Variants in MARK4 observed in about 807,000 individuals in gnomAD.
MARK4 encodes the protein microtubule affinity regulating kinase 4.
MARK4 carries 19 observed loss-of-function variants against 81.5 expected under a neutral mutation model. The observed-to-expected ratio is 0.23, with a 90% CI of 0.16 to 0.34. The LOEUF (loss-of-function observed/expected upper bound fraction) is 0.34. Among genes scored for constraint, MARK4 ranks in the 10% least tolerant of loss-of-function variants. The pLI is 1.00. For missense variants in MARK4, 772 were observed against 1,058.8 expected, an observed-to-expected ratio of 0.73 and a Z score of 3.76; for synonymous variants, 436 against 439.0, an observed-to-expected ratio of 0.99 and a Z score of 0.08.
intron 8 of MARK4, among the ~76,000 whole-genome samples, chr19:45,276,265 G>A (rs570023615): frequency 7.9e-5 from 12 of 152,214 alleles, no homozygotes; most frequent in African/African-American, 2.9e-4. Context: ...GGGCTCAAGC[G>A]GTCTTCCCAC....
chr19:45,303,721 C>T lies in MARK4; in HGVS notation c.*1011C>T, dbSNP rs1420021574. 1 of 152,158 alleles carries T rather than the reference C, an allele frequency of 6.6e-6. No homozygotes were observed. The highest frequency in any genetic ancestry group is 1.5e-5 in the Non-Finnish European group (1 of 68,066). The allele number at this position is 152,158 out of a possible 1,614,324, so 9.4% of individuals were successfully genotyped here. The stretch of plus-strand genomic sequence containing the variant: ...CCAGGCCCAGTGCTGGACACAGAGA[C>T]ATGAAGCTCTGTCTGTGGGAGACAG... On this transcript the variant is annotated 3_prime_UTR_variant, in exon 17 of 17. Coordinates refer to ENST00000262891, the MANE Select transcript of MARK4 (RefSeq NM_001199867.2).
rs1411050968 is a variant in MARK4 at position 45,297,819 on chromosome 19, G to A, written c.1742G>A (p.Gly581Asp). The part of the protein sequence containing the change: ...GGQVRDRRAG[G>D]GGGGGVQNGP... ...CAGGTCCGGGACCGGCGGGCAGGGG[G>A]TGGGGGTGGTGGGGGTGTGCAGAAT... Residue 581 changes from glycine (G) to aspartate (D), a missense_variant, in exon 15 of 17, where the codon GGT becomes GAT. Physicochemically the swap from Gly to Asp is moderately conservative, Grantham distance 94. This residue lies in a region of MARK4 where 548 missense variants were observed against 624.3 expected (regional missense o/e 0.88). Transcript: ENST00000262891. 5 of 1,540,092 alleles carry A rather than the reference G, an allele frequency of 3.2e-6. No homozygotes were observed. The highest frequency in any genetic ancestry group is 1.4e-5 in the African/African-American group (1 of 73,234).
Position 45,251,558 on chromosome 19 carries a change from G to A in MARK4, c.-31G>A. 8.7e-6 allele frequency: 2 copies of A among 229,378 alleles called. No individual in the cohort carries two copies. The highest frequency in any genetic ancestry group is 1.3e-5 in the Non-Finnish European group (2 of 155,040). The allele number at this position is 229,378 out of a possible 1,614,324, so 14.2% of individuals were successfully genotyped here. ...CCTGGGACCCCCGCCCCCCCCACCC[G>A]GCCGCCCCTGCCCCCCGGGACCCGG... On this transcript the variant is annotated 5_prime_UTR_variant, in exon 1 of 17. Transcript: ENST00000262891.
chr19:45,299,889 C>T (rs374640188), intron 16 of MARK4, 34 bp downstream of exon 16: 1 of 1,578,130 alleles, frequency 6.3e-7, no homozygotes, highest in Non-Finnish European at 8.6e-7. Context: ...ACTGCCACTT[C>T]CCCTCTCCTG....
intron 14 of MARK4, among the ~76,000 whole-genome samples, chr19:45,296,832 C>T (rs144827001): frequency 1.9e-3 from 295 of 152,224 alleles, no homozygotes; most frequent in African/African-American, 6.6e-3. Context: ...AGTGGATCAC[C>T]TGAGGTGAGG....
chr19:45,261,590 G>C (rs1349068698), intron 2 of MARK4, among the ~76,000 whole-genome samples: 1 of 152,114 alleles, frequency 6.6e-6, no homozygotes, highest in Admixed American at 6.6e-5. Flanking sequence ...CTGGTTCCAG[G>C]GGTTTCTGAG....
At chr19:45,264,321 G>T (rs373534435) in intron 4 of MARK4, among the ~76,000 whole-genome samples, 1 of 152,042 alleles carries the variant, frequency 6.6e-6, no homozygotes, top group African/African-American at 2.4e-5. Flanking sequence ...GACCAACATG[G>T]AGAAACCCCG....
intron 15 of MARK4, among the ~76,000 whole-genome samples, chr19:45,298,960 C>T (rs1970928468): frequency 6.6e-6 from 1 of 151,214 alleles, no homozygotes. Flanking sequence ...CCTGTATTCC[C>T]ATGGAATTGG....
intron 2 of MARK4, among the ~76,000 whole-genome samples, chr19:45,260,968 A>G (rs979428843): frequency 5.3e-5 from 8 of 152,306 alleles, no homozygotes; most frequent in African/African-American, 1.9e-4. Context: ...TGAGGTCTCT[A>G]ACTCACTTAG....
At chr19:45,286,343 C>T (rs901419335) in intron 12 of MARK4, among the ~76,000 whole-genome samples, 11 of 151,414 alleles carry the variant, frequency 7.3e-5, no homozygotes, top group African/African-American at 2.2e-4. Context: ...CGTGAGCCAC[C>T]GCGCCTGGCC....
intron 7 of MARK4, among the ~76,000 whole-genome samples, chr19:45,270,451 G>A (rs1382459171): frequency 1.3e-5 from 2 of 152,060 alleles, no homozygotes; most frequent in African/African-American, 2.4e-5. Context: ...CGTTTTCCTG[G>A]GTCTTGAGCA....
At chr19:45,290,920 AC>A (rs1460525546) in intron 13 of MARK4, among the ~76,000 whole-genome samples, 1 of 152,158 alleles carries the variant, frequency 6.6e-6, no homozygotes, top group Non-Finnish European at 1.5e-5. Flanking sequence ...GAGAGGGTGC[AC>A]CTGAGGACAG....
At chr19:45,267,142 T>A (rs1397731776) in intron 7 of MARK4, among the ~76,000 whole-genome samples, 5 of 152,166 alleles carry the variant, frequency 3.3e-5, no homozygotes. Context: ...CGCTGCAACC[T>A]CCGCCTCCCG....
Position 45,271,407 on chromosome 19 carries a change from T to A in MARK4, c.550-65T>A. 1 of 1,520,976 alleles carries A rather than the reference T, an allele frequency of 6.6e-7. No homozygotes were observed. Among genetic ancestry groups the A allele is most frequent in the Non-Finnish European group, 9.0e-7 (1 of 1,107,334 alleles). The allele number at this position is 1,520,976 out of a possible 1,614,324, so 94.2% of individuals were successfully genotyped here. ...CCTAGAGCCTGTGCTCCTGTCTGCCTCCCACGTCCATGAAAGGCTTTGGCC... is the reference window on the plus strand; with the variant it reads ...CCTAGAGCCTGTGCTCCTGTCTGCCACCCACGTCCATGAAAGGCTTTGGCC... On this transcript the variant is annotated intron_variant, in intron 7 of 16. Transcript: ENST00000262891. This position sits in a 1 kb window ranked among gnomAD's most constrained non-coding sequence, Gnocchi z 4.1.
chr19:45,301,106 A>C (rs11667235), intron 16 of MARK4, among the ~76,000 whole-genome samples: 46,985 of 151,950 alleles, frequency 0.31, 7,615 homozygotes, highest in South Asian at 0.38. Flanking sequence ...CTCCCATCCT[A>C]AGACATGTGA....
At position 45,278,557 on chromosome 19, in the gene MARK4, T is replaced by C. The variant is rs1474848662; in HGVS notation, c.948T>C (p.Gly316=). The change falls in exon 10 of 17, where the codon GGT becomes GGC. Residue 316 remains glycine (G), a synonymous_variant. Transcript: ENST00000262891. Reference sequence around the variant, plus strand: ...AATGGATCAACATCGGCTATGAGGGTGAGGAGTTGAAGCCATACACAGAGC... The same window carrying C: ...AATGGATCAACATCGGCTATGAGGGCGAGGAGTTGAAGCCATACACAGAGC... ...KDKWINIGYE[G]EELKPYTEPE... The C allele has an allele frequency of 6.2e-7, 1 of 1,613,276 alleles. No homozygotes were observed. The highest frequency in any genetic ancestry group is 8.5e-7 in the Non-Finnish European group (1 of 1,179,828).
At chr19:45,295,194 CAA>C (rs778188519) in intron 14 of MARK4, among the ~76,000 whole-genome samples, 7 of 134,204 alleles carry the variant, frequency 5.2e-5, no homozygotes, top group African/African-American at 8.2e-5. Flanking sequence ...CTAAAAATAC[CAA>C]AAAAAAAAAA....
rs1164310981 is a variant in MARK4, at chr19:45,302,118, G to A, written c.1923-256G>A. The stretch of plus-strand genomic sequence containing the variant: ...CAGGTTCTTTGAAGGAACTGATGTG[G>A]ATGGCACATCTCACTTCTGCTCATG... On this transcript the variant is annotated intron_variant, in intron 16 of 16. Coordinates refer to ENST00000262891, the MANE Select transcript of MARK4 (RefSeq NM_001199867.2). The surrounding 1 kb of genome is among the most constrained non-coding windows in gnomAD (Gnocchi z 4.9). 1.3e-5 allele frequency among the ~76,000 whole-genome samples: 2 copies of A among 152,208 alleles called. No homozygotes were observed. Among genetic ancestry groups the A allele is most frequent in the African/African-American group, 4.8e-5 (2 of 41,456 alleles).
In MARK4 at chr19:45,271,874, C is replaced by T. The variant is rs534985835; in HGVS notation, c.786+166C>T. Among the ~76,000 whole-genome samples the T allele has an allele frequency of 2.2e-4, 33 of 152,306 alleles. No homozygotes were observed. Among genetic ancestry groups the T allele is most frequent in the African/African-American group, 7.2e-4 (30 of 41,568 alleles). On this transcript the variant is annotated intron_variant, in intron 8 of 16. Transcript: ENST00000262891. This position sits in a 1 kb window ranked among gnomAD's most constrained non-coding sequence, Gnocchi z 4.1. Reference sequence around the variant, plus strand: ...AAGTCCCCTCTGCAGTGAGGCCAGCCGAATGGACTGTGCCATGCTGGGGTT... The same window carrying T: ...AAGTCCCCTCTGCAGTGAGGCCAGCTGAATGGACTGTGCCATGCTGGGGTT...
Sources: gnomAD v4.1 joint callset for allele counts (sites outside exome capture counted in the v4.1 genomes callset) on GRCh38, gnomAD v4.1.1 for gene constraint, gnomAD v4.1.1 regional missense constraint, Gnocchi (gnomAD v3.1) non-coding constraint, MANE v1.5 for transcripts, NCBI Gene and HGNC (gene_info 2026-07-23, HGNC 2026-07-21) for gene names.